The following CPS1 variants were observed in gnomAD, a reference collection of about 807,000 sequenced individuals.
CPS1 encodes carbamoyl-phosphate synthase [ammonia], mitochondrial.
In CPS1, 109 loss-of-function variants were observed where a neutral mutation model predicts 174.6. That is an observed-to-expected ratio of 0.62 (90% confidence interval 0.53 to 0.73). CPS1 has a LOEUF of 0.73. Ranked by LOEUF, CPS1 falls within the 30% of genes least tolerant of loss-of-function variation. The pLI is 0.00. For missense variants in CPS1, 1,689 were observed against 1,821.9 expected, an observed-to-expected ratio of 0.93 and a Z score of 1.33; for synonymous variants, 637 against 632.0, an observed-to-expected ratio of 1.01 and a Z score of -0.12.
intron 1 of CPS1, among the ~76,000 whole-genome samples, chr2:210,527,289 A>C (rs1023012155): frequency 6.6e-6 from 1 of 151,926 alleles, no homozygotes; most frequent in Non-Finnish European, 1.5e-5. Flanking sequence ...ACAAAAATAT[A>C]AGGGACCTCC....
intron 16 of CPS1, among the ~76,000 whole-genome samples, chr2:210,602,954 CTTCT>C (rs968491945): frequency 6.6e-6 from 1 of 151,960 alleles, no homozygotes; most frequent in Non-Finnish European, 1.5e-5. Flanking sequence ...TTAGGAACTA[CTTCT>C]TTCTTTGCAT....
intron 1 of CPS1, among the ~76,000 whole-genome samples, chr2:210,525,773 A>C (rs1695955673): frequency 6.6e-6 from 1 of 150,402 alleles, no homozygotes; most frequent in African/African-American, 2.4e-5. Flanking sequence ...ATACAGGTGG[A>C]GTAGGAGTAG....
chr2:210,582,124 A>G (rs1415681059), intron 5 of CPS1, among the ~76,000 whole-genome samples: 1 of 152,174 alleles, frequency 6.6e-6, no homozygotes, highest in Non-Finnish European at 1.5e-5. Context: ...TTTTCATTTC[A>G]AATTCTAGAA....
At chr2:210,631,722 T>A (rs536733743) in intron 21 of CPS1, among the ~76,000 whole-genome samples, 1 of 152,312 alleles carries the variant, frequency 6.6e-6, no homozygotes, top group East Asian at 1.9e-4. Flanking sequence ...TTTTGTAAAG[T>A]TTGCCCTTGA....
chr2:210,633,736 A>G (rs964389945), intron 21 of CPS1, among the ~76,000 whole-genome samples: 2 of 152,222 alleles, frequency 1.3e-5, no homozygotes, highest in Non-Finnish European at 2.9e-5. Context: ...ATGCAAACAA[A>G]TAATTAAAGA....
rs1054665926 is a variant in CPS1 at position 210,618,722 on chromosome 2, G to A, written c.2687+2181G>A. 4 of 152,138 alleles carry A rather than the reference G, an allele frequency of 2.6e-5. No individual in the cohort carries two copies. In the East Asian group the frequency reaches 7.8e-4, roughly 30 times the overall value. The allele number at this position is 152,138 out of a possible 1,614,324, so 9.4% of individuals were successfully genotyped here. The stretch of plus-strand genomic sequence containing the variant: ...ATGAATGTTAAGTATGTAAGGCCTT[G>A]AGTTTCCTTGCCCTATTTTAATTAT... On this transcript the variant is annotated intron_variant, in intron 21 of 37. Transcript: ENST00000233072.
intron 1 of CPS1, among the ~76,000 whole-genome samples, chr2:210,506,143 C>A (rs1353765248): frequency 6.6e-6 from 1 of 152,146 alleles, no homozygotes; most frequent in Non-Finnish European, 1.5e-5. Flanking sequence ...ACAGTAGGGG[C>A]AGACTGACAC....
chr2:210,646,334 TTAAAA>T (rs1700376502), intron 25 of CPS1, among the ~76,000 whole-genome samples: 1 of 152,180 alleles, frequency 6.6e-6, no homozygotes, highest in Non-Finnish European at 1.5e-5. Context: ...TGAACATATT[TTAAAA>T]TAAAAATAGT....
intron 1 of CPS1, among the ~76,000 whole-genome samples, chr2:210,505,936 G>A (rs939865144): frequency 7.9e-5 from 11 of 138,550 alleles, no homozygotes; most frequent in Admixed American, 6.0e-4. Flanking sequence ...AGGCATGGCT[G>A]CCTCTGTAGA....
At chr2:210,629,639 G>A (rs1699804260) in intron 21 of CPS1, among the ~76,000 whole-genome samples, 1 of 151,740 alleles carries the variant, frequency 6.6e-6, no homozygotes, top group Non-Finnish European at 1.5e-5. Context: ...TATACGAATT[G>A]ACATAACTTA....
Position 210,663,258 on chromosome 2 carries a change from T to C in CPS1, c.4002+61T>C, listed in dbSNP as rs1022090813. The C allele has an allele frequency of 5.1e-5, 74 of 1,462,714 alleles. No homozygotes were observed. The East Asian group carries it at 1.7e-3, about 33-fold the overall frequency. 90.6% of individuals were successfully genotyped at this position (1,462,714 alleles called of 1,614,324 possible). A position where few individuals can be genotyped will look rare whatever the true frequency, so the allele number is the denominator to read the frequency against. ...ATCTACTTTGAAATCTATGGTTTTA[T>C]GATTTGAATACAGTAAAATAAAGGG... is the stretch of plus-strand genomic sequence containing the variant. On this transcript the variant is annotated intron_variant, in intron 33 of 37. Transcript: ENST00000233072.
chr2:210,540,578 T>C (rs2106012345), intron 1 of CPS1, among the ~76,000 whole-genome samples: 1 of 152,316 alleles, frequency 6.6e-6, no homozygotes, highest in African/African-American at 2.4e-5. Context: ...GAGAGAATTC[T>C]TTACTAACAC....
rs571254629 is a variant in CPS1 at position 210,593,221 on chromosome 2, T to G, written c.1164+265T>G. The G allele has an allele frequency of 5.5e-5, 36 of 657,476 alleles. No individual in the cohort carries two copies. The African/African-American group carries it at 6.4e-4, about 12-fold the overall frequency. 40.7% of individuals were successfully genotyped at this position (657,476 alleles called of 1,614,324 possible). A position where few individuals can be genotyped will look rare whatever the true frequency, so the allele number is the denominator to read the frequency against. ...TTAAACCCATTATCATTCTAATATA[T>G]TTAGTTCTGAAATTTACAATTGTTG... On this transcript the variant is annotated intron_variant, in intron 11 of 37. Coordinates refer to ENST00000233072, the MANE Select transcript of CPS1 (RefSeq NM_001875.5).
At chr2:210,603,251 C>T (rs1398573591) in intron 16 of CPS1, among the ~76,000 whole-genome samples, 1 of 151,862 alleles carries the variant, frequency 6.6e-6, no homozygotes, top group African/African-American at 2.4e-5. Flanking sequence ...TCACGGACAG[C>T]TTATTGCTTC....
At chr2:210,574,827 C>A (rs1196836221) in intron 2 of CPS1, among the ~76,000 whole-genome samples, 1 of 151,516 alleles carries the variant, frequency 6.6e-6, no homozygotes, top group Non-Finnish European at 1.5e-5. Flanking sequence ...ATGGTAAGTT[C>A]TTTTATGGAA....
intron 15 of CPS1, among the ~76,000 whole-genome samples, chr2:210,601,295 CT>C (rs1374687604): frequency 6.6e-6 from 1 of 151,832 alleles, no homozygotes; most frequent in African/African-American, 2.4e-5. Flanking sequence ...GTTTTTGCCC[CT>C]GACTTTATTT....
At chr2:210,602,824 A>G (rs2371001) in intron 16 of CPS1, among the ~76,000 whole-genome samples, 75,533 of 151,638 alleles carry the variant, frequency 0.5, 19,109 homozygotes, top group Middle Eastern at 0.61. Context: ...TCTAAAATAT[A>G]CATGGTATAA....
chr2:210,556,935 A>G (rs1696931778), intron 1 of CPS1, 76 bp downstream of exon 1: 2 of 1,516,658 alleles, frequency 1.3e-6, no homozygotes, highest in Admixed American at 3.4e-5. Context: ...TGTCCCTTAC[A>G]AGGCAAATAC....
At chr2:210,594,937 G>C (rs146957503) in intron 12 of CPS1, among the ~76,000 whole-genome samples, 3 of 151,802 alleles carry the variant, frequency 2.0e-5, no homozygotes, top group Non-Finnish European at 4.4e-5. Flanking sequence ...ATACATTTCA[G>C]ACTACAGAAT....
Sources: gnomAD v4.1 joint callset for allele counts (sites outside exome capture counted in the v4.1 genomes callset) on GRCh38, gnomAD v4.1.1 for gene constraint, MANE v1.5 for transcripts, NCBI Gene and HGNC (gene_info 2026-07-23, HGNC 2026-07-21) for gene names.